NCOA2: variants seen among roughly 807,000 people sequenced by gnomAD.
NCOA2 encodes the protein nuclear receptor coactivator 2, also known as class E basic helix-loop-helix protein 75.
Under a neutral mutation model 145.1 loss-of-function variants are expected in NCOA2, and 21 were observed. The observed-to-expected ratio is 0.14, with a 90% CI of 0.10 to 0.21. NCOA2 has a LOEUF of 0.21. Among genes scored for constraint, NCOA2 ranks in the 10% least tolerant of loss-of-function variants. NCOA2 has a pLI of 1.00. For synonymous variants in NCOA2, 619 were observed against 637.5 expected (o/e 0.97, Z 0.44); for missense variants, 1,472 against 1,837.6 (o/e 0.80, Z 3.64).
chr8:70,314,757 G>A (rs149109922), intron 1 of NCOA2, among the ~76,000 whole-genome samples: 63 of 152,322 alleles, frequency 4.1e-4, no homozygotes, highest in Non-Finnish European at 6.9e-4. Context: ...TATTGTATGT[G>A]TGAACAAGAC....
At chr8:70,410,525 G>C in the NCOA2 span, among the ~76,000 whole-genome samples, 1 of 152,078 alleles carries the variant, frequency 6.6e-6, no homozygotes, top group Non-Finnish European at 1.5e-5. Context: ...TTTAGAGATG[G>C]AGTTTCACCA....
chr8:70,282,017 T>C (rs1825923093), intron 2 of NCOA2, among the ~76,000 whole-genome samples: 1 of 152,234 alleles, frequency 6.6e-6, no homozygotes, highest in Non-Finnish European at 1.5e-5. Flanking sequence ...TCTGTAGGAA[T>C]ATCATTCTGA....
intron 1 of NCOA2, among the ~76,000 whole-genome samples, chr8:70,309,840 G>C (rs1483254981): frequency 2.0e-5 from 3 of 152,104 alleles, no homozygotes; most frequent in Non-Finnish European, 4.4e-5. Context: ...TGTGGTACCA[G>C]CTACTCAGGA....
chr8:70,121,351 T>C lies in NCOA2; in HGVS notation c.4334A>G (p.Asn1445Ser). ...PALRGGNLFP[N>S]QLPGMDMIKQ... ...AATCATATCCATTCCAGGCAGCTGG[T>C]TTGGGAACAGGTTGCCTCCCCTCAG... The change falls in exon 22 of 23, where the codon AAC (asparagine) becomes AGC (serine). Residue 1445 changes from asparagine to serine, a missense_variant. Physicochemically the swap from Asn to Ser is conservative, Grantham distance 46. Coordinates refer to ENST00000452400, the MANE Select transcript of NCOA2 (RefSeq NM_006540.4). 6.2e-7 allele frequency: 1 copy of C among 1,613,124 alleles called. No individual in the cohort carries two copies. Among genetic ancestry groups the C allele is most frequent in the Non-Finnish European group, 8.5e-7 (1 of 1,179,536 alleles).
chr8:70,176,867 G>A (rs1457819637), intron 4 of NCOA2, among the ~76,000 whole-genome samples: 1 of 152,162 alleles, frequency 6.6e-6, no homozygotes, highest in African/African-American at 2.4e-5. Flanking sequence ...GACAGGGTGT[G>A]TACCTCCCTT....
In NCOA2 at chr8:70,330,358, C is replaced by T. The variant is rs993464673; in HGVS notation, c.-76-33558G>A. Among the ~76,000 whole-genome samples the T allele has an allele frequency of 5.3e-5, 8 of 151,910 alleles. 1 individual carries two copies. The South Asian group carries it at 8.3e-4, about 16-fold the overall frequency. On this transcript the variant is annotated intron_variant, in intron 1 of 22. Coordinates refer to ENST00000452400, the MANE Select transcript of NCOA2 (RefSeq NM_006540.4). The stretch of plus-strand genomic sequence containing the variant: ...GCCAACGCAGAGGGATCCCTTGAGG[C>T]CAGGAATTCAAGACCAGCCCAGGCA...
chr8:70,299,273 T>A (rs1025235829), intron 1 of NCOA2, among the ~76,000 whole-genome samples: 1 of 152,170 alleles, frequency 6.6e-6, no homozygotes, highest in Non-Finnish European at 1.5e-5. Flanking sequence ...AAAAGCTCTA[T>A]AATAAAGAAG....
intron 1 of NCOA2, among the ~76,000 whole-genome samples, chr8:70,340,845 C>T (rs982652454): frequency 2.0e-5 from 3 of 151,964 alleles, no homozygotes; most frequent in Admixed American, 6.6e-5. Flanking sequence ...AAACAAACAC[C>T]GCATGTTTTT....
intron 2 of NCOA2, among the ~76,000 whole-genome samples, chr8:70,249,018 G>C (rs1053446845): frequency 6.6e-6 from 1 of 151,960 alleles, no homozygotes; most frequent in East Asian, 1.9e-4. Context: ...TCCACCCCCC[G>C]GATGGACATG....
chr8:70,433,606 T>C, the NCOA2 span, among the ~76,000 whole-genome samples: 2 of 152,340 alleles, frequency 1.3e-5, no homozygotes, highest in African/African-American at 4.8e-5. Flanking sequence ...GCAATGCCGC[T>C]ACTGAAGAGT....
intron 2 of NCOA2, among the ~76,000 whole-genome samples, chr8:70,272,197 C>T (rs1329056826): frequency 6.6e-6 from 1 of 151,968 alleles, no homozygotes; most frequent in East Asian, 1.9e-4. Context: ...TTCACTTTTT[C>T]TTCTTCTTTT....
At chr8:70,206,417 A>AATTTAT (rs1818445943) in intron 4 of NCOA2, among the ~76,000 whole-genome samples, 1 of 152,104 alleles carries the variant, frequency 6.6e-6, no homozygotes, top group African/African-American at 2.4e-5. Context: ...TATAAAACAA[A>AATTTAT]ATTTATTTCT....
At chr8:70,198,412 T>C (rs576050421) in intron 4 of NCOA2, among the ~76,000 whole-genome samples, 67 of 152,262 alleles carry the variant, frequency 4.4e-4, no homozygotes, top group African/African-American at 1.5e-3. Context: ...GAAAGTACAA[T>C]GGGACCAGCC....
chr8:70,293,089 C>T (rs1277668973), intron 2 of NCOA2, among the ~76,000 whole-genome samples: 2 of 152,026 alleles, frequency 1.3e-5, no homozygotes, highest in African/African-American at 4.8e-5. Flanking sequence ...ACCATGCTGT[C>T]ATTTGAAGAA....
intron 2 of NCOA2, among the ~76,000 whole-genome samples, chr8:70,247,675 T>C (rs567545948): frequency 6.6e-6 from 1 of 152,228 alleles, no homozygotes; most frequent in African/African-American, 2.4e-5. Context: ...GGCAATCTTA[T>C]AGATCACTTC....
chr8:70,368,344 AACC>A, intron 1 of NCOA2, among the ~76,000 whole-genome samples: 1 of 152,352 alleles, frequency 6.6e-6, no homozygotes, highest in East Asian at 1.9e-4. Flanking sequence ...CTGGGACTTT[AACC>A]AAGAGGCAAT....
chr8:70,142,328 T>C (rs1238559658), intron 13 of NCOA2, among the ~76,000 whole-genome samples: 1 of 152,232 alleles, frequency 6.6e-6, no homozygotes, highest in Non-Finnish European at 1.5e-5. Context: ...CAAATGAACA[T>C]GCATTGTGGG....
chr8:70,150,301 G>A (rs557017104), intron 11 of NCOA2, among the ~76,000 whole-genome samples: 1 of 152,316 alleles, frequency 6.6e-6, no homozygotes, highest in African/African-American at 2.4e-5. Flanking sequence ...GTCACAGACA[G>A]GTCAAATTAT....
At chr8:70,171,445 CT>C (rs1393564552) in intron 5 of NCOA2, among the ~76,000 whole-genome samples, 2 of 152,184 alleles carry the variant, frequency 1.3e-5, no homozygotes, top group African/African-American at 2.4e-5. Flanking sequence ...TCATTCACCC[CT>C]AATCCACTTC....
Sources: gnomAD v4.1 joint callset for allele counts (sites outside exome capture counted in the v4.1 genomes callset) on GRCh38, gnomAD v4.1.1 for gene constraint, MANE v1.5 for transcripts, NCBI Gene and HGNC (gene_info 2026-07-23, HGNC 2026-07-21) for gene names.